The following CELF2 variants were observed in gnomAD, a reference collection of about 807,000 sequenced individuals.
The protein encoded by CELF2 is CUGBP Elav-like family member 2.
CELF2 carries 8 observed loss-of-function variants against 62.6 expected under a neutral mutation model. The observed-to-expected ratio is 0.13, with a 90% CI of 0.07 to 0.23. CELF2 has a LOEUF of 0.23. Among genes scored for constraint, CELF2 ranks in the 10% least tolerant of loss-of-function variants. The pLI is 1.00. For synonymous variants in CELF2, 258 were observed against 250.0 expected (o/e 1.03, Z -0.30); for missense variants, 333 against 671.0 (o/e 0.50, Z 5.56).
intron 1 of CELF2, among the ~76,000 whole-genome samples, chr10:10,912,182 A>G (rs1395033808): frequency 6.7e-6 from 1 of 149,526 alleles, no homozygotes; most frequent in Non-Finnish European, 1.5e-5. Flanking sequence ...ATGCAGTCAC[A>G]TATTCACAGA....
At chr10:11,016,559 A>G (rs1227510170), upstream of CELF2, among the ~76,000 whole-genome samples, 3 of 152,200 alleles carry the variant, frequency 2.0e-5, no homozygotes, top group African/African-American at 7.2e-5. The surrounding 1 kb of genome is among the most constrained non-coding windows in gnomAD (Gnocchi z 5.2). Context: ...CATAACCTCT[A>G]AAGATAGTTA....
intron 2 of CELF2, chr10:10,951,976 A>G (rs1235901758): frequency 1.3e-5 from 2 of 152,364 alleles, no homozygotes; most frequent in Non-Finnish European, 2.9e-5. Flanking sequence ...AGCTGCTGGG[A>G]TTGGCCGAGA....
At chr10:10,918,015 C>A (rs1439798272) in intron 1 of CELF2, 2 of 152,178 alleles carry the variant, frequency 1.3e-5, no homozygotes, top group Non-Finnish European at 2.9e-5. Flanking sequence ...TGTATCTTAA[C>A]TCTGTGCTGT....
chr10:10,473,802 A>G, the CELF2 span, among the ~76,000 whole-genome samples: 14 of 152,226 alleles, frequency 9.2e-5, 1 homozygote, highest in East Asian at 2.7e-3. Context: ...CTCTTGGAAG[A>G]ACTGGGAAAA....
At chr10:10,762,124 A>T in the CELF2 span, among the ~76,000 whole-genome samples, 2 of 152,162 alleles carry the variant, frequency 1.3e-5, no homozygotes, top group Admixed American at 1.3e-4. Context: ...GACAGAGAAG[A>T]GGTCCTAAAA....
chr10:10,587,653 G>T, the CELF2 span, among the ~76,000 whole-genome samples: 1 of 152,040 alleles, frequency 6.6e-6, no homozygotes, highest in Non-Finnish European at 1.5e-5. Context: ...ATCTGTCCTT[G>T]TCCCTTTTCA....
At chr10:10,555,635 A>G in the CELF2 span, among the ~76,000 whole-genome samples, 1 of 152,318 alleles carries the variant, frequency 6.6e-6, no homozygotes, top group East Asian at 1.9e-4. Flanking sequence ...AAATAGCTAC[A>G]TTTTTTGGTA....
intron 2 of CELF2, among the ~76,000 whole-genome samples, chr10:10,989,983 C>G (rs1001437560): frequency 6.6e-6 from 1 of 152,080 alleles, no homozygotes; most frequent in Non-Finnish European, 1.5e-5. Flanking sequence ...GAATAGCAAG[C>G]CACTCTTGTA....
At chr10:10,749,464 C>T in the CELF2 span, among the ~76,000 whole-genome samples, 19,675 of 152,168 alleles carry the variant, frequency 0.13, 1,504 homozygotes, top group East Asian at 0.27. Context: ...CCAACAATGT[C>T]TACTAAGCAT....
At chr10:11,326,826 G>A (rs1254618568) in intron 12 of CELF2, among the ~76,000 whole-genome samples, 4 of 152,168 alleles carry the variant, frequency 2.6e-5, no homozygotes, top group Non-Finnish European at 5.9e-5. Flanking sequence ...ATTCATGCTG[G>A]TGGGAAATAG....
At chr10:10,868,962 T>G (rs1401235379) in intron 1 of CELF2, among the ~76,000 whole-genome samples, 1 of 152,240 alleles carries the variant, frequency 6.6e-6, no homozygotes, top group African/African-American at 2.4e-5. Context: ...ACTACAGAAC[T>G]AATTAATGTG....
chr10:10,474,192 C>T, the CELF2 span, among the ~76,000 whole-genome samples: 1 of 151,968 alleles, frequency 6.6e-6, no homozygotes, highest in African/African-American at 2.4e-5. Flanking sequence ...CTTGTAATCC[C>T]AGTTCTTAAG....
the CELF2 span, among the ~76,000 whole-genome samples, chr10:10,583,367 C>A: frequency 6.6e-6 from 1 of 152,168 alleles, no homozygotes; most frequent in Non-Finnish European, 1.5e-5. Flanking sequence ...TCTGTTCTCA[C>A]CTACATTGTC....
At chr10:11,225,060 A>G (rs1373900904) in intron 3 of CELF2, among the ~76,000 whole-genome samples, 1 of 152,194 alleles carries the variant, frequency 6.6e-6, no homozygotes, top group Non-Finnish European at 1.5e-5. Context: ...GTCATAGCAT[A>G]CAGGTGCCTG....
At chr10:11,170,757 C>T (rs1356425975) in intron 2 of CELF2, among the ~76,000 whole-genome samples, 4 of 152,034 alleles carry the variant, frequency 2.6e-5, no homozygotes, top group African/African-American at 9.7e-5. Flanking sequence ...CAAGCGAGAC[C>T]ATACTTGGAA....
chr10:11,019,347 G>A (rs1454334994), intron 1 of CELF2, among the ~76,000 whole-genome samples: 2 of 152,182 alleles, frequency 1.3e-5, no homozygotes, highest in Non-Finnish European at 2.9e-5. Context: ...GGATTGGTAT[G>A]GTAAGAGTGC....
intron 1 of CELF2, among the ~76,000 whole-genome samples, chr10:10,842,032 T>A (rs1295144251): frequency 6.6e-6 from 1 of 152,108 alleles, no homozygotes; most frequent in Non-Finnish European, 1.5e-5. Context: ...TATCTAAATA[T>A]TTCTCATTTT....
At chr10:11,310,369 C>T (rs1033193300) in intron 9 of CELF2, among the ~76,000 whole-genome samples, 3 of 152,058 alleles carry the variant, frequency 2.0e-5, no homozygotes, top group African/African-American at 7.2e-5. Flanking sequence ...GGATTTGTAC[C>T]AGGGAAGGGA....
In CELF2 at chr10:11,217,143, T is replaced by C. The variant is rs1322066302; in HGVS notation, c.272-282T>C. ...ACAGGTCCCATTCACATCTCACCCA[T>C]TCCTCCACCACCTCCCACCCTCATT... On this transcript the variant is annotated intron_variant, in intron 2 of 12. Coordinates refer to ENST00000633077, the MANE Select transcript of CELF2 (RefSeq NM_001326342.2). The surrounding 1 kb of genome is among the most constrained non-coding windows in gnomAD (Gnocchi z 5.6). Among the ~76,000 whole-genome samples, 1 of 152,200 alleles carries C rather than the reference T, an allele frequency of 6.6e-6. No individual in the cohort carries two copies. The highest frequency in any genetic ancestry group is 1.5e-5 in the Non-Finnish European group (1 of 68,032).
Sources: gnomAD v4.1 joint callset for allele counts (sites outside exome capture counted in the v4.1 genomes callset) on GRCh38, gnomAD v4.1.1 for gene constraint, Gnocchi (gnomAD v3.1) non-coding constraint, MANE v1.5 for transcripts, NCBI Gene and HGNC (gene_info 2026-07-23, HGNC 2026-07-21) for gene names.